THSD7B: variants seen among roughly 807,000 people sequenced by gnomAD.
THSD7B encodes the protein thrombospondin type 1 domain containing 7B.
A neutral mutation model predicts 213.6 loss-of-function variants in THSD7B; 138 were observed. The observed-to-expected ratio is 0.65, with a 90% CI of 0.56 to 0.74. The LOEUF is 0.74. Among genes scored for constraint, THSD7B ranks in the 30% least tolerant of loss-of-function variants. THSD7B has a pLI of 0.00. For missense variants in THSD7B, 1,931 were observed against 1,991.5 expected, an observed-to-expected ratio of 0.97 and a Z score of 0.58; for synonymous variants, 742 against 687.0, an observed-to-expected ratio of 1.08 and a Z score of -1.25.
intron 17 of THSD7B, among the ~76,000 whole-genome samples, chr2:137,591,156 T>G (rs930288614): frequency 2.0e-5 from 3 of 151,948 alleles, no homozygotes; most frequent in Non-Finnish European, 4.4e-5. Flanking sequence ...ATATCTGATC[T>G]TTTTATTTTC....
chr2:137,579,266 G>A (rs1023014130), intron 17 of THSD7B, among the ~76,000 whole-genome samples: 5 of 152,146 alleles, frequency 3.3e-5, no homozygotes, highest in African/African-American at 4.8e-5. Context: ...CAAAAAGGCT[G>A]ACATTCCCAT....
intron 3 of THSD7B, among the ~76,000 whole-genome samples, chr2:137,072,548 AATAGGG>A (rs1470150075): frequency 1.1e-4 from 16 of 152,188 alleles, no homozygotes; most frequent in Non-Finnish European, 2.2e-4. Flanking sequence ...GTCATCTGCA[AATAGGG>A]ACAATTTGAC....
At chr2:137,543,140 A>G (rs1680639168) in intron 15 of THSD7B, among the ~76,000 whole-genome samples, 1 of 151,686 alleles carries the variant, frequency 6.6e-6, no homozygotes, top group South Asian at 2.1e-4. Flanking sequence ...TCATTTTCAC[A>G]CCCGCTTCTC....
At chr2:137,490,001 G>A (rs534569706) in intron 15 of THSD7B, among the ~76,000 whole-genome samples, 5 of 152,102 alleles carry the variant, frequency 3.3e-5, no homozygotes, top group Non-Finnish European at 7.4e-5. Context: ...ATCCATCAGA[G>A]AAATCAATGG....
At chr2:137,314,603 T>G in intron 12 of THSD7B, among the ~76,000 whole-genome samples, 1 of 152,220 alleles carries the variant, frequency 6.6e-6, no homozygotes, top group Non-Finnish European at 1.5e-5. Context: ...GAGTTTCCAG[T>G]TTTTCTGCTC....
intron 2 of THSD7B, among the ~76,000 whole-genome samples, chr2:136,942,376 A>G (rs1282110708): frequency 4.6e-5 from 7 of 151,970 alleles, no homozygotes; most frequent in Non-Finnish European, 1.0e-4. Flanking sequence ...TTTTTTTCCA[A>G]TTCTGTGAAG....
At chr2:136,999,453 A>G (rs1685960466) in intron 2 of THSD7B, among the ~76,000 whole-genome samples, 1 of 150,424 alleles carries the variant, frequency 6.6e-6, no homozygotes. Context: ...ATAGATTTAA[A>G]TTAGGTATCT....
At chr2:137,577,005 A>G (rs979785719) in intron 17 of THSD7B, among the ~76,000 whole-genome samples, 1 of 152,142 alleles carries the variant, frequency 6.6e-6, no homozygotes, top group African/African-American at 2.4e-5. Context: ...TATCACGCAG[A>G]TGGCAACCTG....
chr2:137,224,733 G>A (rs961249138), intron 7 of THSD7B, among the ~76,000 whole-genome samples: 5 of 151,974 alleles, frequency 3.3e-5, no homozygotes, highest in Admixed American at 6.6e-5. Flanking sequence ...GTGCAGTGGC[G>A]CGATCTCGGC....
At chr2:137,216,142 C>T (rs1305307936) in intron 7 of THSD7B, among the ~76,000 whole-genome samples, 1 of 151,868 alleles carries the variant, frequency 6.6e-6, no homozygotes, top group East Asian at 1.9e-4. Flanking sequence ...TGAAGATATG[C>T]TTGTGTTTTA....
chr2:137,078,029 C>G (rs1255707614), intron 3 of THSD7B, among the ~76,000 whole-genome samples: 1 of 152,224 alleles, frequency 6.6e-6, no homozygotes, highest in African/African-American at 2.4e-5. Flanking sequence ...GATCCAGTTT[C>G]AGCTTTCTAC....
intron 1 of THSD7B, among the ~76,000 whole-genome samples, chr2:136,863,327 G>A (rs1436753502): frequency 6.6e-6 from 1 of 152,194 alleles, no homozygotes; most frequent in Non-Finnish European, 1.5e-5. Flanking sequence ...TTTGATGTTG[G>A]CAAGTTTTGA....
chr2:137,465,756 G>A (rs1203699481), intron 15 of THSD7B, among the ~76,000 whole-genome samples: 1 of 152,042 alleles, frequency 6.6e-6, no homozygotes, highest in Non-Finnish European at 1.5e-5. Flanking sequence ...TAGCACTCTG[G>A]CTTCATCCTC....
At chr2:137,271,930 T>G (rs1682748552) in intron 10 of THSD7B, among the ~76,000 whole-genome samples, 1 of 152,150 alleles carries the variant, frequency 6.6e-6, no homozygotes, top group Non-Finnish European at 1.5e-5. Context: ...TATTAATACT[T>G]CTATTTCTCA....
chr2:136,784,688 C>T (rs979528001), intron 1 of THSD7B, among the ~76,000 whole-genome samples: 8 of 152,114 alleles, frequency 5.3e-5, no homozygotes, highest in Admixed American at 2.0e-4. Context: ...ATACAAGATA[C>T]TTTTTTATCC....
At chr2:136,886,317 T>TGTGG (rs1285373708) in intron 2 of THSD7B, among the ~76,000 whole-genome samples, 1 of 152,040 alleles carries the variant, frequency 6.6e-6, no homozygotes, top group Non-Finnish European at 1.5e-5. Context: ...AGAGGATCCT[T>TGTGG]GTGGGTGGCT....
intron 15 of THSD7B, among the ~76,000 whole-genome samples, chr2:137,458,812 T>C (rs908134777): frequency 6.6e-6 from 1 of 152,192 alleles, no homozygotes; most frequent in South Asian, 2.1e-4. Context: ...AGTGCTTTTA[T>C]TTTATTTGGT....
At chr2:137,149,550 A>T (rs1679772945) in intron 5 of THSD7B, among the ~76,000 whole-genome samples, 1 of 152,232 alleles carries the variant, frequency 6.6e-6, no homozygotes, top group Non-Finnish European at 1.5e-5. Flanking sequence ...GAGGGCAGCC[A>T]GGAGGCTGGC....
intron 2 of THSD7B, among the ~76,000 whole-genome samples, chr2:137,036,908 C>T (rs973345470): frequency 7.9e-5 from 12 of 152,124 alleles, no homozygotes; most frequent in Non-Finnish European, 1.8e-4. Context: ...ATTACTTTCA[C>T]TAATTTCTTC....
Sources: gnomAD v4.1 joint callset for allele counts (sites outside exome capture counted in the v4.1 genomes callset) on GRCh38, gnomAD v4.1.1 for gene constraint, MANE v1.5 for transcripts, NCBI Gene and HGNC (gene_info 2026-07-23, HGNC 2026-07-21) for gene names.